AGAP1: variants seen among roughly 807,000 people sequenced by gnomAD.
AGAP1 encodes arf-GAP with GTPase, ANK repeat and PH domain-containing protein 1.
In AGAP1, 29 loss-of-function variants were observed where a neutral mutation model predicts 105.3. The observed-to-expected ratio is 0.28, with a 90% CI of 0.21 to 0.38. The LOEUF (loss-of-function observed/expected upper bound fraction) is 0.38, where lower values mean the gene tolerates loss of function less well. AGAP1 is among the 10% of genes least tolerant of loss of function. AGAP1 has a pLI of 1.00. For synonymous variants in AGAP1, 509 were observed against 485.9 expected, an observed-to-expected ratio of 1.05 and a Z score of -0.63; for missense variants, 998 against 1,165.1, an observed-to-expected ratio of 0.86 and a Z score of 2.09.
rs577055473 is a variant in AGAP1 at position 235,810,157 on chromosome 2, C to G, written c.1050+2826C>G. Among the ~76,000 whole-genome samples the G allele has an allele frequency of 1.5e-3, 223 of 152,284 alleles. 4 individuals are homozygous for G. In the South Asian group the frequency reaches 0.045, roughly 31 times the overall value. ...GACCTGAGACAAAAATATCTTACGACTGTATAAAGAAACTTCTGAGACTGC... is the reference window on the plus strand; with the variant it reads ...GACCTGAGACAAAAATATCTTACGAGTGTATAAAGAAACTTCTGAGACTGC... On this transcript the variant is annotated intron_variant, in intron 9 of 17. Transcript: ENST00000304032.
rs1431581392 is a variant in AGAP1 at position 235,725,108 on chromosome 2, C to T, written c.310+7464C>T. On this transcript the variant is annotated intron_variant, in intron 3 of 17. Transcript: ENST00000304032. This position sits in a 1 kb window ranked among gnomAD's most constrained non-coding sequence, Gnocchi z 5.7. ...TGTTGCTTGTTCCAAGCTGCTGACGCGGTGTGCTGGATGAGAGTTCTACTG... is the reference window on the plus strand; with the variant it reads ...TGTTGCTTGTTCCAAGCTGCTGACGTGGTGTGCTGGATGAGAGTTCTACTG... Among the ~76,000 whole-genome samples the T allele has an allele frequency of 4.6e-5, 7 of 152,266 alleles. No homozygotes were observed. Among genetic ancestry groups the T allele is most frequent in the Non-Finnish European group, 7.3e-5 (5 of 68,028 alleles).
intron 1 of AGAP1, among the ~76,000 whole-genome samples, chr2:235,646,073 G>C (rs950887499): frequency 1.3e-5 from 2 of 151,998 alleles, no homozygotes; most frequent in Admixed American, 1.3e-4. Context: ...TCAGAAGTTC[G>C]AGACCAGCCT....
chr2:235,762,446 T>C (rs1410861327), intron 6 of AGAP1, among the ~76,000 whole-genome samples: 1 of 151,700 alleles, frequency 6.6e-6, no homozygotes, highest in Non-Finnish European at 1.5e-5. Context: ...ATCGGGTGAG[T>C]TTGTGTATTG....
At chr2:235,759,600 T>A (rs1252468836) in intron 6 of AGAP1, among the ~76,000 whole-genome samples, 1 of 152,214 alleles carries the variant, frequency 6.6e-6, no homozygotes, top group Non-Finnish European at 1.5e-5. Context: ...CTGTTGACTG[T>A]AAGGAGACTT....
intron 9 of AGAP1, among the ~76,000 whole-genome samples, chr2:235,814,329 T>A (rs1325055285): frequency 2.6e-5 from 4 of 152,212 alleles, no homozygotes; most frequent in Admixed American, 2.0e-4. Context: ...TCTTTAAAAG[T>A]TGAACAGTGG....
rs1262037330 is a variant in AGAP1, at chr2:235,566,158, C to G, written c.163+71309C>G. The stretch of plus-strand genomic sequence containing the variant: ...CCAGGCTAGAGTGCAGTGGCGCAAC[C>G]TCGGCTCACTGCAACCTCTGCCTCC... On this transcript the variant is annotated intron_variant, in intron 1 of 17. Transcript: ENST00000304032. The surrounding 1 kb of genome is among the most constrained non-coding windows in gnomAD (Gnocchi z 5.2). Among the ~76,000 whole-genome samples, 2 of 151,366 alleles carry G rather than the reference C, an allele frequency of 1.3e-5. No homozygotes were observed. The highest frequency in any genetic ancestry group is 4.0e-4 in the East Asian group (2 of 5,054).
At chr2:236,084,950 C>T (rs1461442246) in intron 16 of AGAP1, among the ~76,000 whole-genome samples, 1 of 151,832 alleles carries the variant, frequency 6.6e-6, no homozygotes, top group African/African-American at 2.4e-5. Context: ...CACGGTGGCT[C>T]ACGCCTGTAA....
intron 1 of AGAP1, among the ~76,000 whole-genome samples, chr2:235,656,741 C>T (rs928751087): frequency 5.3e-5 from 8 of 152,178 alleles, no homozygotes; most frequent in South Asian, 2.1e-4. Flanking sequence ...TCTGTAAGGG[C>T]GCACCCTTCT....
chr2:235,543,958 G>T (rs1370157117), intron 1 of AGAP1, among the ~76,000 whole-genome samples: 1 of 152,152 alleles, frequency 6.6e-6, no homozygotes, highest in Non-Finnish European at 1.5e-5. Flanking sequence ...TTCTCTCTCT[G>T]CCGCCTGTGC....
chr2:235,811,945 T>C (rs1958165478), intron 9 of AGAP1, among the ~76,000 whole-genome samples: 1 of 152,212 alleles, frequency 6.6e-6, no homozygotes, highest in Non-Finnish European at 1.5e-5. Context: ...GGCAAAGACG[T>C]GTGCATCAGG....
intron 1 of AGAP1, among the ~76,000 whole-genome samples, chr2:235,671,695 T>A (rs1201446768): frequency 6.6e-6 from 1 of 152,214 alleles, no homozygotes; most frequent in Non-Finnish European, 1.5e-5. Flanking sequence ...AGTCTGGGAC[T>A]GGATTCTGTT....
In AGAP1 at chr2:236,092,282, T is replaced by G. The variant is rs2059081527; in HGVS notation, c.2115-27910T>G. ...AAATGTGGACAAGCCAGGTGGGTTG[T>G]ATCCATATCCTATGGTGATAACATA... On this transcript the variant is annotated intron_variant, in intron 16 of 17. Transcript: ENST00000304032. This position sits in a 1 kb window ranked among gnomAD's most constrained non-coding sequence, Gnocchi z 4.7. Among the ~76,000 whole-genome samples, 1 of 152,252 alleles carries G rather than the reference T, an allele frequency of 6.6e-6. No homozygotes were observed. Among genetic ancestry groups the G allele is most frequent in the South Asian group, 2.1e-4 (1 of 4,828 alleles).
chr2:236,064,238 A>T (rs998086611), intron 16 of AGAP1, among the ~76,000 whole-genome samples: 1 of 152,330 alleles, frequency 6.6e-6, no homozygotes, highest in South Asian at 2.1e-4. Flanking sequence ...GCATGGAGTT[A>T]TGGCTGCAAA....
At chr2:236,072,742 G>A (rs1277389752) in intron 16 of AGAP1, among the ~76,000 whole-genome samples, 2 of 152,146 alleles carry the variant, frequency 1.3e-5, no homozygotes, top group Non-Finnish European at 2.9e-5. Flanking sequence ...TTACAGGAGT[G>A]AGGCACTGCA....
In AGAP1 at chr2:235,789,948, G is replaced by A. The variant is rs1014916271; in HGVS notation, c.674-7811G>A. ...TGTCTTACCTTCCTTGTTAGTATTT[G>A]TTCTGATTGGAAAATTACTCTGATG... On this transcript the variant is annotated intron_variant, in intron 6 of 17. Coordinates refer to ENST00000304032, the MANE Select transcript of AGAP1 (RefSeq NM_001037131.3). This position sits in a 1 kb window ranked among gnomAD's most constrained non-coding sequence, Gnocchi z 4.2. Among the ~76,000 whole-genome samples, 3 of 152,136 alleles carry A rather than the reference G, an allele frequency of 2.0e-5. No homozygotes were observed. Among genetic ancestry groups the A allele is most frequent in the African/African-American group, 7.2e-5 (3 of 41,436 alleles).
intron 1 of AGAP1, among the ~76,000 whole-genome samples, chr2:235,495,282 C>T (rs1941267223): frequency 6.6e-6 from 1 of 152,208 alleles, no homozygotes; most frequent in South Asian, 2.1e-4. Context: ...GGGGCGAGGC[C>T]CGGGCCGGCG....
chr2:235,920,313 T>A (rs1050742238), intron 11 of AGAP1, among the ~76,000 whole-genome samples: 1 of 152,192 alleles, frequency 6.6e-6, no homozygotes, highest in Admixed American at 6.5e-5. Context: ...TGCCACATGA[T>A]ATCCACTCCC....
In AGAP1 at chr2:235,908,965, T is replaced by TC. The variant is rs1357908576; in HGVS notation, c.1324+60dup. ...TTCAACAGCAACAGGTGGTCCAGGC[T>TC]CGAGGATAATGTTGGACTCCTAGGT... is the stretch of plus-strand genomic sequence containing the variant. On this transcript the variant is annotated intron_variant, in intron 11 of 17. Transcript: ENST00000304032. This position sits in a 1 kb window ranked among gnomAD's most constrained non-coding sequence, Gnocchi z 4.4. 6.5e-7 allele frequency: 1 copy of TC among 1,540,972 alleles called. No individual in the cohort carries two copies. The highest frequency in any genetic ancestry group is 1.4e-5 in the African/African-American group (1 of 73,454).
intron 13 of AGAP1, among the ~76,000 whole-genome samples, chr2:236,023,018 G>A (rs1006471136): frequency 6.6e-6 from 1 of 152,182 alleles, no homozygotes; most frequent in Admixed American, 6.5e-5. Context: ...AGAAATATTG[G>A]AGGATTTTAC....
Sources: allele counts gnomAD v4.1 joint callset (sites outside exome capture counted in the v4.1 genomes callset), GRCh38; gene constraint gnomAD v4.1.1; non-coding constraint Gnocchi (gnomAD v3.1); transcripts MANE v1.5; gene names NCBI Gene and HGNC (gene_info 2026-07-23, HGNC 2026-07-21).